ATR: variants seen among roughly 807,000 people sequenced by gnomAD.
The protein encoded by ATR is serine/threonine-protein kinase ATR.
In ATR, 142 loss-of-function variants were observed where a neutral mutation model predicts 305.3. The ratio of observed to expected loss-of-function variants is 0.47; its 90% CI spans 0.41 to 0.53. The LOEUF (loss-of-function observed/expected upper bound fraction) is 0.53. ATR is among the 20% of genes least tolerant of loss of function. ATR has a pLI of 0.00. For missense variants in ATR, 2,135 were observed against 3,133.1 expected, an observed-to-expected ratio of 0.68 and a Z score of 7.60; for synonymous variants, 1,050 against 1,068.1, an observed-to-expected ratio of 0.98 and a Z score of 0.33.
intron 24 of ATR, among the ~76,000 whole-genome samples, chr3:142,516,297 C>T (rs1255314016): frequency 2.0e-5 from 3 of 152,064 alleles, no homozygotes; most frequent in South Asian, 2.1e-4. Context: ...TCTTTTCCAG[C>T]GGTATTCATC....
chr3:142,556,598 A>G (rs1435653427), intron 8 of ATR, 23 bp from the exon 9 acceptor site: 1 of 1,607,518 alleles, frequency 6.2e-7, no homozygotes, highest in South Asian at 1.1e-5. Flanking sequence ...AGTCTATTAA[A>G]CAAGATTTCT....
rs2070774665 is a variant in ATR, at chr3:142,450,937, A to C, written c.7762-1335T>G. 4 of 1,211,844 alleles carry C rather than the reference A, an allele frequency of 3.3e-6. No individual in the cohort carries two copies. The Admixed American group carries it at 1.5e-4, about 46-fold the overall frequency. The allele number at this position is 1,211,844 out of a possible 1,614,324, so 75.1% of individuals were successfully genotyped here. ...CTCACCCATTATCTTCGCGGAGCTC[A>C]CCTCAGAAAAGAAAAACCCTTTGCA... is the stretch of plus-strand genomic sequence containing the variant. On this transcript the variant is annotated intron_variant, in intron 46 of 46. Coordinates refer to ENST00000350721, the MANE Select transcript of ATR (RefSeq NM_001184.4).
In ATR at chr3:142,549,664, G is replaced by C; in HGVS notation, c.2986C>G (p.Gln996Glu). The change falls in exon 15 of 47, where the codon CAA becomes GAA. Residue 996 changes from glutamine (Q) to glutamate (E), a missense_variant. Coordinates refer to ENST00000350721, the MANE Select transcript of ATR (RefSeq NM_001184.4). ...GCAGCAAGATCAGGTAGTAGAACTTGTAATGTCCTCTGAAAAAGAATGCAA... is the reference window on the plus strand; with the variant it reads ...GCAGCAAGATCAGGTAGTAGAACTTCTAATGTCCTCTGAAAAAGAATGCAA... ...DLNRFLTRTL[Q>E]VLLPDLAAKA... is the part of the protein sequence containing the mutation. 6.2e-7 allele frequency: 1 copy of C among 1,613,516 alleles called. No homozygotes were observed. Among genetic ancestry groups the C allele is most frequent in the Non-Finnish European group, 8.5e-7 (1 of 1,179,710 alleles).
chr3:142,548,708 T>C (rs940562534), intron 15 of ATR, among the ~76,000 whole-genome samples: 7 of 151,962 alleles, frequency 4.6e-5, no homozygotes, highest in Non-Finnish European at 7.4e-5. Flanking sequence ...CTTTATCTCA[T>C]TGGGTAACTG....
intron 39 of ATR, 118 bp from the exon 40 acceptor site, chr3:142,466,651 T>C: frequency 2.1e-6 from 2 of 934,616 alleles, no homozygotes; most frequent in Non-Finnish European, 3.2e-6. Context: ...TTTCTAAGTA[T>C]TTCCTAATCA....
intron 28 of ATR, among the ~76,000 whole-genome samples, chr3:142,506,069 T>C (rs1262808378): frequency 2.0e-5 from 3 of 152,222 alleles, no homozygotes; most frequent in Non-Finnish European, 2.9e-5. Flanking sequence ...GCCACCAATT[T>C]TCTTAGCAAG....
At chr3:142,555,613 A>G (rs111723297) in intron 10 of ATR, among the ~76,000 whole-genome samples, 70 of 152,312 alleles carry the variant, frequency 4.6e-4, no homozygotes, top group African/African-American at 1.6e-3. Context: ...GAATCTTACA[A>G]TATTGAAACA....
rs564161755 is a variant in ATR at position 142,492,095 on chromosome 3, G to T, written c.6078+1037C>A. Among the ~76,000 whole-genome samples the T allele has an allele frequency of 2.1e-4, 32 of 152,142 alleles. 1 individual carries two copies. The highest frequency in any genetic ancestry group is 4.0e-4 in the Non-Finnish European group (27 of 68,024). On this transcript the variant is annotated intron_variant, in intron 35 of 46. Transcript: ENST00000350721. ...AGGCTTTGATCTGGCAGGCAGTAAG[G>T]TTACTTGAAGATCAGTGTAATCATC... is the stretch of plus-strand genomic sequence containing the variant.
At chr3:142,489,905 A>G (rs1213265699) in intron 35 of ATR, among the ~76,000 whole-genome samples, 1 of 152,230 alleles carries the variant, frequency 6.6e-6, no homozygotes, top group Non-Finnish European at 1.5e-5. Context: ...CTAGTCTTTC[A>G]GACTTTAGCC....
chr3:142,508,439 G>A (rs1455334909), intron 27 of ATR, among the ~76,000 whole-genome samples: 1 of 152,124 alleles, frequency 6.6e-6, no homozygotes, highest in East Asian at 1.9e-4. Context: ...ATTTTGAAAA[G>A]ATATAATGAT....
chr3:142,526,070 G>A (rs985559188), intron 21 of ATR, among the ~76,000 whole-genome samples: 8 of 151,784 alleles, frequency 5.3e-5, no homozygotes, highest in African/African-American at 1.9e-4. Flanking sequence ...TTCTTTTGTT[G>A]GTGTATGCAT....
intron 16 of ATR, among the ~76,000 whole-genome samples, chr3:142,543,493 T>C (rs2034138751): frequency 6.7e-6 from 1 of 149,534 alleles, no homozygotes; most frequent in African/African-American, 2.5e-5. Flanking sequence ...CTCCCTCCTT[T>C]GCTTCCTTCC....
chr3:142,488,926 C>A (rs541032317), intron 35 of ATR, among the ~76,000 whole-genome samples: 1 of 152,154 alleles, frequency 6.6e-6, no homozygotes, highest in East Asian at 1.9e-4. Flanking sequence ...TTATTTAGTT[C>A]TTTTTTACTT....
At chr3:142,513,472 C>G (rs757325510) in intron 26 of ATR, 29 bp downstream of exon 26, 2 of 1,611,564 alleles carry the variant, frequency 1.2e-6, no homozygotes, top group Admixed American at 3.3e-5. Flanking sequence ...TTCACATGTT[C>G]AAAAACCAAG....
intron 36 of ATR, among the ~76,000 whole-genome samples, chr3:142,478,042 T>C (rs2030035964): frequency 6.6e-6 from 1 of 152,246 alleles, no homozygotes; most frequent in African/African-American, 2.4e-5. Context: ...AAAAACCAGC[T>C]CCTGGATTCA....
intron 29 of ATR, 133 bp downstream of exon 29, chr3:142,505,006 T>G: frequency 9.1e-7 from 1 of 1,098,976 alleles, no homozygotes. Flanking sequence ...ATCATGCCAC[T>G]GCACTCCAGC....
chr3:142,557,686 G>A (rs1453861277), intron 8 of ATR, among the ~76,000 whole-genome samples: 2 of 152,210 alleles, frequency 1.3e-5, no homozygotes, highest in African/African-American at 4.8e-5. Context: ...AGGCTGGAGT[G>A]CAGGGGTGCA....
chr3:142,502,590 T>C (rs2032029534), intron 30 of ATR, among the ~76,000 whole-genome samples: 1 of 152,058 alleles, frequency 6.6e-6, no homozygotes, highest in African/African-American at 2.4e-5. Flanking sequence ...TGTCACTAAC[T>C]TGCACATGTA....
intron 36 of ATR, among the ~76,000 whole-genome samples, chr3:142,475,783 C>A (rs867804131): frequency 2.0e-5 from 3 of 152,046 alleles, no homozygotes; most frequent in African/African-American, 7.2e-5. Context: ...TTTTAATGAT[C>A]GCCATTCTAA....
Sources: gnomAD v4.1 joint callset for allele counts (sites outside exome capture counted in the v4.1 genomes callset) on GRCh38, gnomAD v4.1.1 for gene constraint, MANE v1.5 for transcripts, NCBI Gene and HGNC (gene_info 2026-07-23, HGNC 2026-07-21) for gene names.